The following NFAT5 variants were observed in gnomAD, a reference collection of about 807,000 sequenced individuals.
NFAT5 encodes nuclear factor of activated T-cells 5.
A neutral mutation model predicts 166.5 loss-of-function variants in NFAT5; 31 were observed. That is an observed-to-expected ratio of 0.19 (90% CI 0.14 to 0.25). The LOEUF (loss-of-function observed/expected upper bound fraction) is 0.25. NFAT5 is among the 10% of genes least tolerant of loss of function. NFAT5 has a pLI of 1.00. For synonymous variants in NFAT5, 612 were observed against 639.7 expected (o/e 0.96, Z 0.65); for missense variants, 1,449 against 1,821.8 (o/e 0.80, Z 3.72).
At position 69,684,884 on chromosome 16, in the gene NFAT5, T is replaced by C. The variant is rs1567606090; in HGVS notation, c.1691-3T>C. 6.3e-7 allele frequency: 1 copy of C among 1,593,188 alleles called. No homozygotes were observed. Among genetic ancestry groups the C allele is most frequent in the African/African-American group, 1.3e-5 (1 of 74,154 alleles). ...ATAAATACATTAATCTTTTTTTTAA[T>C]AGCAGCAGCTGGTGCTTTGAATGTA... On this transcript the variant is annotated splice_polypyrimidine_tract_variant and splice_region_variant and intron_variant, in intron 10 of 14. Transcript: ENST00000349945.
intron 2 of NFAT5, among the ~76,000 whole-genome samples, chr16:69,593,657 AG>A (rs970051283): frequency 2.0e-5 from 3 of 152,166 alleles, no homozygotes; most frequent in African/African-American, 7.2e-5. Flanking sequence ...CACAGGTAAA[AG>A]GGATGTGATC....
chr16:69,626,023 C>T (rs1432683825), intron 2 of NFAT5, among the ~76,000 whole-genome samples: 1 of 148,778 alleles, frequency 6.7e-6, no homozygotes, highest in Admixed American at 6.7e-5. Flanking sequence ...ATGATCATGG[C>T]TCACTGTAGC....
chr16:69,673,963 G>T (rs906682777), intron 9 of NFAT5, among the ~76,000 whole-genome samples: 13 of 151,892 alleles, frequency 8.6e-5, no homozygotes, highest in African/African-American at 3.1e-4. Flanking sequence ...TATAAATATT[G>T]CCAGGCGTGT....
intron 6 of NFAT5, among the ~76,000 whole-genome samples, chr16:69,659,390 C>G (rs1343799319): frequency 6.6e-6 from 1 of 151,966 alleles, no homozygotes; most frequent in Non-Finnish European, 1.5e-5. Flanking sequence ...TTGCAGTGAG[C>G]CGAGATCACG....
intron 2 of NFAT5, among the ~76,000 whole-genome samples, chr16:69,618,455 C>T (rs187614057): frequency 6.6e-6 from 1 of 152,276 alleles, no homozygotes; most frequent in East Asian, 1.9e-4. Flanking sequence ...GGACCTGCAG[C>T]CAGTACATTT....
chr16:69,615,607 T>C (rs1046916001), intron 2 of NFAT5, among the ~76,000 whole-genome samples: 1 of 152,172 alleles, frequency 6.6e-6, no homozygotes, highest in Non-Finnish European at 1.5e-5. Flanking sequence ...TTTTTCTATC[T>C]GTACATATTG....
intron 10 of NFAT5, among the ~76,000 whole-genome samples, chr16:69,678,746 T>C (rs1204266745): frequency 6.6e-6 from 1 of 152,230 alleles, no homozygotes; most frequent in Non-Finnish European, 1.5e-5. Flanking sequence ...TTAGCAGTTC[T>C]TCTCTATCTG....
intron 12 of NFAT5, 112 bp downstream of exon 12, chr16:69,691,200 T>A: frequency 9.9e-7 from 1 of 1,014,848 alleles, no homozygotes; most frequent in Non-Finnish European, 1.3e-6. Context: ...AATTTTGCTG[T>A]AAAGAGGGAA....
chr16:69,649,658 A>G (rs2035586984), intron 4 of NFAT5: 2 of 583,004 alleles, frequency 3.4e-6, no homozygotes, highest in African/African-American at 2.0e-5. Context: ...GAAAGGATGA[A>G]ACCATACCTA....
intron 12 of NFAT5, among the ~76,000 whole-genome samples, 194 bp from the exon 13 acceptor site, chr16:69,691,555 A>C (rs924409788): frequency 6.6e-6 from 1 of 152,178 alleles, no homozygotes; most frequent in Non-Finnish European, 1.5e-5. Context: ...GTACTTTTAA[A>C]AAATATATCT....
At chr16:69,582,431 C>G (rs1397620404) in intron 2 of NFAT5, among the ~76,000 whole-genome samples, 1 of 151,850 alleles carries the variant, frequency 6.6e-6, no homozygotes, top group African/African-American at 2.4e-5. Flanking sequence ...AAAACTATTG[C>G]CTAGCCCAGG....
At chr16:69,577,463 T>G (rs1013911450) in intron 2 of NFAT5, among the ~76,000 whole-genome samples, 1 of 152,148 alleles carries the variant, frequency 6.6e-6, no homozygotes, top group East Asian at 1.9e-4. Flanking sequence ...AACAAAAAAT[T>G]TATTACCTTT....
intron 7 of NFAT5, among the ~76,000 whole-genome samples, chr16:69,666,425 A>C (rs1209580228): frequency 2.6e-5 from 4 of 151,178 alleles, no homozygotes; most frequent in Non-Finnish European, 5.9e-5. Flanking sequence ...TACTCATCTG[A>C]CAAAGGGCTA....
At chr16:69,630,480 A>G (rs1301098795) in intron 3 of NFAT5, among the ~76,000 whole-genome samples, 2 of 152,128 alleles carry the variant, frequency 1.3e-5, no homozygotes, top group East Asian at 3.8e-4. Context: ...CCTCCTCCTC[A>G]TTTTTAAGAA....
chr16:69,586,052 A>C (rs2032043287), intron 2 of NFAT5, among the ~76,000 whole-genome samples: 1 of 135,828 alleles, frequency 7.4e-6, no homozygotes, highest in Non-Finnish European at 1.7e-5. Context: ...TTCAAAAAAC[A>C]AGAAATTTTT....
chr16:69,593,471 C>T (rs2032598855), intron 2 of NFAT5, among the ~76,000 whole-genome samples: 1 of 145,098 alleles, frequency 6.9e-6, no homozygotes, highest in Non-Finnish European at 1.5e-5. Context: ...CCACCAGGCC[C>T]AGCTAATTTT....
At chr16:69,634,696 C>T (rs1392752923) in intron 3 of NFAT5, among the ~76,000 whole-genome samples, 3 of 152,190 alleles carry the variant, frequency 2.0e-5, no homozygotes, top group Non-Finnish European at 2.9e-5. Flanking sequence ...ATCAAACTTA[C>T]TTACAAACAC....
chr16:69,633,668 T>C (rs1419233594), intron 3 of NFAT5, among the ~76,000 whole-genome samples: 2 of 152,042 alleles, frequency 1.3e-5, no homozygotes, highest in Non-Finnish European at 2.9e-5. Flanking sequence ...GGATAGATAA[T>C]AGAGGCTGGG....
chr16:69,612,894 G>A (rs776746243), intron 2 of NFAT5, among the ~76,000 whole-genome samples: 6 of 150,798 alleles, frequency 4.0e-5, no homozygotes, highest in Non-Finnish European at 7.4e-5. Context: ...GTAGTTCTAG[G>A]ACAGATTTGA....
Sources: allele counts gnomAD v4.1 joint callset (sites outside exome capture counted in the v4.1 genomes callset), GRCh38; gene constraint gnomAD v4.1.1; transcripts MANE v1.5; gene names NCBI Gene and HGNC (gene_info 2026-07-23, HGNC 2026-07-21).